Variants in FRMPD3 observed in about 807,000 individuals in gnomAD.
FRMPD3 encodes the protein FERM and PDZ domain-containing protein 3.
Under a neutral mutation model 97.9 loss-of-function variants are expected in FRMPD3, and 42 were observed. The ratio of observed to expected loss-of-function variants is 0.43; its 90% CI spans 0.34 to 0.55. The LOEUF (loss-of-function observed/expected upper bound fraction) is 0.55, where lower values mean the gene tolerates loss of function less well. Ranked by LOEUF, FRMPD3 falls within the 20% of genes least tolerant of loss-of-function variation. The pLI is 0.03. For missense variants in FRMPD3, 1,303 were observed against 1,457.7 expected (o/e 0.89, Z 1.73); for synonymous variants, 577 against 581.1 (o/e 0.99, Z 0.10).
At chrX:107,467,965 T>C (rs1157019256) in intron 1 of FRMPD3, among the ~76,000 whole-genome samples, 3 of 111,984 alleles carry the variant, frequency 2.7e-5, no homozygotes, top group African/African-American at 9.8e-5. Context: ...GACTTCTTTG[T>C]GGCTTCTCCA....
chrX:107,543,581 C>T (rs375434422), intron 4 of FRMPD3, among the ~76,000 whole-genome samples: 1 of 110,642 alleles, frequency 9.0e-6, no homozygotes, highest in Non-Finnish European at 1.9e-5. Flanking sequence ...TTTGGGAGGC[C>T]GAAGTGGGTG....
chrX:107,549,109 A>G (rs1452900036), intron 5 of FRMPD3, among the ~76,000 whole-genome samples: 1 of 110,839 alleles, frequency 9.0e-6, no homozygotes, highest in African/African-American at 3.3e-5. Flanking sequence ...ATGAATTTTT[A>G]TTAAGAATGT....
At chrX:107,541,113 T>G (rs919479549) in intron 4 of FRMPD3, among the ~76,000 whole-genome samples, 3 of 113,476 alleles carry the variant, frequency 2.6e-5, no homozygotes, top group African/African-American at 9.6e-5. Context: ...AGATTTGGCC[T>G]ATGTAGGCCT....
intron 12 of FRMPD3, among the ~76,000 whole-genome samples, 196 bp downstream of exon 12, chrX:107,565,262 G>T (rs760496694): frequency 8.9e-6 from 1 of 112,075 alleles, no homozygotes; most frequent in East Asian, 2.8e-4. Context: ...ACATAATAAG[G>T]TCAGCCAGCA....
At chrX:107,532,480 G>C (rs745725282) in intron 3 of FRMPD3, among the ~76,000 whole-genome samples, 25 of 112,499 alleles carry the variant, frequency 2.2e-4, no homozygotes, top group Non-Finnish European at 4.1e-4. Flanking sequence ...AAATGAAATG[G>C]GGAGACATGG....
chrX:107,480,905 A>AAAGAAAGAAAGG (rs1491270288), intron 1 of FRMPD3, among the ~76,000 whole-genome samples: 8 of 84,428 alleles, frequency 9.5e-5, no homozygotes, highest in African/African-American at 4.1e-4. Context: ...GGAAAGAAAG[A>AAAGAAAGAAAGG]AAGAAAGAAA....
intron 1 of FRMPD3, among the ~76,000 whole-genome samples, chrX:107,515,515 G>A (rs557327982): frequency 9.0e-6 from 1 of 111,208 alleles, no homozygotes; most frequent in South Asian, 3.9e-4. Context: ...GGATTGGGGA[G>A]CAAATAAGAG....
chrX:107,482,103 T>G (rs987617022), intron 1 of FRMPD3, among the ~76,000 whole-genome samples: 1 of 110,865 alleles, frequency 9.0e-6, no homozygotes, highest in Non-Finnish European at 1.9e-5. Context: ...TTTTTTTGTT[T>G]GTTTGTTTTG....
At chrX:107,583,788 G>A (rs758005052) in intron 13 of FRMPD3, among the ~76,000 whole-genome samples, 6 of 110,564 alleles carry the variant, frequency 5.4e-5, no homozygotes, top group Non-Finnish European at 7.5e-5. Flanking sequence ...ATTCTGACTG[G>A]CAAGACATGG....
At chrX:107,460,838 C>A (rs1931457808) in intron 1 of FRMPD3, among the ~76,000 whole-genome samples, 1 of 111,407 alleles carries the variant, frequency 9.0e-6, no homozygotes, top group Non-Finnish European at 1.9e-5. Context: ...GCTCTGTTGC[C>A]ACCACCGTGA....
At chrX:107,452,975 C>T (rs1017432616) in intron 1 of FRMPD3, among the ~76,000 whole-genome samples, 3 of 110,511 alleles carry the variant, frequency 2.7e-5, no homozygotes, top group African/African-American at 9.9e-5. Context: ...ATTGCCCCAC[C>T]GCAGTAATCC....
chrX:107,506,622 C>T (rs1569413231), intron 1 of FRMPD3, among the ~76,000 whole-genome samples: 1 of 112,567 alleles, frequency 8.9e-6, no homozygotes, highest in East Asian at 2.8e-4. Flanking sequence ...TATCTATGTC[C>T]TCCCAGCCTA....
At chrX:107,481,920 A>G (rs1392063823) in intron 1 of FRMPD3, among the ~76,000 whole-genome samples, 1 of 111,225 alleles carries the variant, frequency 9.0e-6, no homozygotes, top group Non-Finnish European at 1.9e-5. Flanking sequence ...TACTAGTTCA[A>G]TTTCCTTCCT....
intron 13 of FRMPD3, among the ~76,000 whole-genome samples, chrX:107,579,012 A>C (rs1923259547): frequency 8.9e-6 from 1 of 112,185 alleles, no homozygotes; most frequent in Non-Finnish European, 1.9e-5. Flanking sequence ...CCAAGGTCCG[A>C]AGTTGAGATC....
At chrX:107,471,231 G>C (rs1280190677) in intron 1 of FRMPD3, among the ~76,000 whole-genome samples, 2 of 110,885 alleles carry the variant, frequency 1.8e-5, no homozygotes, top group East Asian at 5.6e-4. Flanking sequence ...CGCAGTCGCA[G>C]TGTCTGCTCC....
intron 1 of FRMPD3, among the ~76,000 whole-genome samples, chrX:107,450,691 C>T: frequency 9.1e-6 from 1 of 110,012 alleles, no homozygotes; most frequent in Non-Finnish European, 1.9e-5. Context: ...ACATGCACCT[C>T]CCCCTAGCGC....
chrX:107,474,840 A>G (rs1250041619), intron 1 of FRMPD3, among the ~76,000 whole-genome samples: 3 of 112,103 alleles, frequency 2.7e-5, no homozygotes, highest in African/African-American at 9.7e-5. Context: ...ACGGGGGGGA[A>G]AAAGGATAAG....
chrX:107,572,731 C>G (rs1365619359), intron 12 of FRMPD3, among the ~76,000 whole-genome samples: 1 of 108,883 alleles, frequency 9.2e-6, no homozygotes, highest in Non-Finnish European at 1.9e-5. Flanking sequence ...GAGTGAGACT[C>G]TGTCTCAAAA....
At chrX:107,550,020 C>A (rs777514566) in intron 5 of FRMPD3, 29 bp from the exon 6 acceptor site, 30 of 993,989 alleles carry the variant, frequency 3.0e-5, no homozygotes, top group Admixed American at 2.5e-4. Flanking sequence ...ATGAGCCGGT[C>A]TCCTTGTCCT....
Sources: gnomAD v4.1 joint callset for allele counts (sites outside exome capture counted in the v4.1 genomes callset) on GRCh38, gnomAD v4.1.1 for gene constraint, MANE v1.5 for transcripts, NCBI Gene and HGNC (gene_info 2026-07-23, HGNC 2026-07-21) for gene names.